Variants in AGBL1 observed in about 807,000 individuals in gnomAD.
AGBL1 encodes the protein AGBL carboxypeptidase 1, also known as cytosolic carboxypeptidase 4.
AGBL1 carries 130 observed loss-of-function variants against 118.9 expected under a neutral mutation model. That is an observed-to-expected ratio of 1.09 (90% CI 0.95 to 1.26). AGBL1 has a LOEUF of 1.26. AGBL1 is among the 50% of genes most tolerant of loss of function. The pLI, the probability that AGBL1 is intolerant of heterozygous loss-of-function variation, is 0.00. For missense variants in AGBL1, 1,584 were observed against 1,298.1 expected, an observed-to-expected ratio of 1.22 and a Z score of -3.38; for synonymous variants, 555 against 478.9, an observed-to-expected ratio of 1.16 and a Z score of -2.08.
intron 16 of AGBL1, among the ~76,000 whole-genome samples, chr15:86,282,246 C>T (rs958596215): frequency 2.0e-5 from 3 of 152,074 alleles, no homozygotes; most frequent in African/African-American, 4.8e-5. Flanking sequence ...AAAAAGAGGA[C>T]CCCCCTCTCT....
At chr15:86,344,137 A>G (rs2141887374) in intron 17 of AGBL1, among the ~76,000 whole-genome samples, 1 of 152,328 alleles carries the variant, frequency 6.6e-6, no homozygotes, top group Admixed American at 6.5e-5. Flanking sequence ...GTAAATGTGT[A>G]TTGATGGGCA....
chr15:86,739,685 T>C (rs916707279), intron 22 of AGBL1, among the ~76,000 whole-genome samples: 1 of 152,088 alleles, frequency 6.6e-6, no homozygotes, highest in Non-Finnish European at 1.5e-5. Context: ...CCTTGGCACT[T>C]GGAAAGTACA....
Position 86,097,562 on chromosome 15 carries a change from G to A in AGBL1, c.51+17539G>A, listed in dbSNP as rs181182605. On this transcript the variant is annotated intron_variant, in intron 1 of 22. Transcript: ENST00000614907. The stretch of plus-strand genomic sequence containing the variant: ...TTTTTTTTTTTTTTTTAGCTCCCAC[G>A]TATGAGCGAGAACATGCAATATTTG... Among the ~76,000 whole-genome samples, 28 of 142,134 alleles carry A rather than the reference G, an allele frequency of 2.0e-4. No homozygotes were observed. In the East Asian group the frequency reaches 5.5e-3, roughly 28 times the overall value. The allele number at this position is 142,134 out of a possible 152,430, so 93.2% of individuals were successfully genotyped here.
intron 21 of AGBL1, among the ~76,000 whole-genome samples, chr15:86,565,358 C>G (rs1207012450): frequency 1.3e-5 from 2 of 152,226 alleles, no homozygotes; most frequent in Non-Finnish European, 2.9e-5. Flanking sequence ...CAGTCAGGAC[C>G]CTCAGCTGCA....
chr15:86,690,376 C>T (rs1007728849), intron 22 of AGBL1, among the ~76,000 whole-genome samples: 3 of 152,238 alleles, frequency 2.0e-5, no homozygotes, highest in African/African-American at 7.2e-5. Context: ...GAATTGACAG[C>T]ATAGGGAGTT....
intron 6 of AGBL1, among the ~76,000 whole-genome samples, chr15:86,234,963 C>CT (rs993578350): frequency 6.6e-6 from 1 of 152,048 alleles, no homozygotes; most frequent in African/African-American, 2.4e-5. Context: ...TAGAGTCTGT[C>CT]TTTTTTTCAA....
At chr15:86,370,644 C>G (rs914809306) in intron 17 of AGBL1, among the ~76,000 whole-genome samples, 4 of 152,166 alleles carry the variant, frequency 2.6e-5, no homozygotes, top group African/African-American at 9.7e-5. Flanking sequence ...CAAAGCACAG[C>G]CTGTGATATC....
intron 22 of AGBL1, among the ~76,000 whole-genome samples, chr15:86,716,452 G>C (rs1040830681): frequency 1.3e-5 from 2 of 152,174 alleles, no homozygotes; most frequent in East Asian, 3.9e-4. Context: ...TTTCTTCCCA[G>C]TTTGATCTGT....
intron 21 of AGBL1, among the ~76,000 whole-genome samples, chr15:86,573,079 A>G (rs1476027038): frequency 6.6e-6 from 1 of 152,162 alleles, no homozygotes; most frequent in Non-Finnish European, 1.5e-5. Context: ...TTTTATATAA[A>G]TGTTTGTTTC....
chr15:86,341,464 G>T (rs1455028222), intron 17 of AGBL1, among the ~76,000 whole-genome samples: 1 of 152,072 alleles, frequency 6.6e-6, no homozygotes, highest in African/African-American at 2.4e-5. Flanking sequence ...TCACTTTTCA[G>T]ATACTTTTTA....
rs1255794374 is a variant in AGBL1 at position 86,342,965 on chromosome 15, A to G, written c.2374+47557A>G. Among the ~76,000 whole-genome samples the G allele has an allele frequency of 2.0e-5, 3 of 152,212 alleles. No individual in the cohort carries two copies. In the East Asian group the frequency reaches 5.8e-4, roughly 29 times the overall value. The stretch of plus-strand genomic sequence containing the variant: ...TCACATCAAACTGGCAATGGGTTGT[A>G]TAAGTTAAATGTAGTTGTATTGCTG... On this transcript the variant is annotated intron_variant, in intron 17 of 22. Coordinates refer to ENST00000614907, the MANE Select transcript of AGBL1 (RefSeq NM_001386094.1).
chr15:86,844,596 A>G (rs1489534844), intron 22 of AGBL1, among the ~76,000 whole-genome samples: 2 of 152,144 alleles, frequency 1.3e-5, no homozygotes, highest in Non-Finnish European at 2.9e-5. Context: ...AATTCTTTAT[A>G]TATTTGGATA....
intron 18 of AGBL1, among the ~76,000 whole-genome samples, chr15:86,400,168 C>T (rs1172670041): frequency 2.0e-5 from 3 of 151,962 alleles, no homozygotes; most frequent in Non-Finnish European, 2.9e-5. Context: ...CAGGGCATGC[C>T]CACTCTGTTG....
chr15:86,734,278 G>C (rs1231104408), intron 22 of AGBL1, among the ~76,000 whole-genome samples: 1 of 152,138 alleles, frequency 6.6e-6, no homozygotes, highest in African/African-American at 2.4e-5. Flanking sequence ...ATATATTTCT[G>C]TGTAATATAA....
At chr15:86,196,095 T>C (rs2077797457) in intron 5 of AGBL1, among the ~76,000 whole-genome samples, 1 of 152,200 alleles carries the variant, frequency 6.6e-6, no homozygotes, top group Admixed American at 6.5e-5. Flanking sequence ...AAGAAAGTGA[T>C]TTTTTAGTTT....
intron 24 of AGBL1, among the ~76,000 whole-genome samples, chr15:87,011,015 C>A (rs1270608924): frequency 6.6e-6 from 1 of 152,182 alleles, no homozygotes. Context: ...CCATTTTTCT[C>A]TTCTTGTTAA....
intron 22 of AGBL1, among the ~76,000 whole-genome samples, chr15:86,732,387 C>T (rs192613854): frequency 1.3e-5 from 2 of 152,306 alleles, no homozygotes; most frequent in East Asian, 3.9e-4. Flanking sequence ...GATTTTACAA[C>T]TGTTTGTAAC....
chr15:86,276,077 C>T (rs967311175), intron 15 of AGBL1, among the ~76,000 whole-genome samples: 7 of 152,146 alleles, frequency 4.6e-5, no homozygotes, highest in African/African-American at 1.7e-4. Context: ...TTAGTAAAAA[C>T]ATCTTAGTGG....
At chr15:86,289,392 G>A (rs1169353065) in intron 16 of AGBL1, among the ~76,000 whole-genome samples, 1 of 151,972 alleles carries the variant, frequency 6.6e-6, no homozygotes, top group African/African-American at 2.4e-5. Context: ...ACTACTTAAA[G>A]ATAATATATT....
Sources: gnomAD v4.1 joint callset for allele counts (sites outside exome capture counted in the v4.1 genomes callset) on GRCh38, gnomAD v4.1.1 for gene constraint, MANE v1.5 for transcripts, NCBI Gene and HGNC (gene_info 2026-07-23, HGNC 2026-07-21) for gene names.